PTPRM: variants seen among roughly 807,000 people sequenced by gnomAD.
The protein encoded by PTPRM is protein tyrosine phosphatase receptor type M.
A neutral mutation model predicts 186.7 loss-of-function variants in PTPRM; 47 were observed. That is an observed-to-expected ratio of 0.25 (90% CI 0.20 to 0.32). PTPRM has a LOEUF of 0.32. PTPRM is among the 10% of genes least tolerant of loss of function. The pLI, the probability that PTPRM is intolerant of heterozygous loss-of-function variation, is 1.00. For synonymous variants in PTPRM, 668 were observed against 674.9 expected, an observed-to-expected ratio of 0.99 and a Z score of 0.16; for missense variants, 1,494 against 1,865.0, an observed-to-expected ratio of 0.80 and a Z score of 3.66.
chr18:7,641,252 A>G (rs1349340973), intron 1 of PTPRM, among the ~76,000 whole-genome samples: 2 of 152,178 alleles, frequency 1.3e-5, no homozygotes, highest in African/African-American at 4.8e-5. Flanking sequence ...TTAATATTAA[A>G]TATGTTCAGT....
chr18:7,661,075 A>G (rs536149340), intron 1 of PTPRM, among the ~76,000 whole-genome samples: 18 of 152,238 alleles, frequency 1.2e-4, no homozygotes, highest in Non-Finnish European at 1.8e-4. Context: ...TACAGCAGAA[A>G]TATGTTTTGA....
chr18:8,295,941 A>G (rs1350873035), intron 19 of PTPRM, among the ~76,000 whole-genome samples: 1 of 152,230 alleles, frequency 6.6e-6, no homozygotes, highest in East Asian at 1.9e-4. Flanking sequence ...TGTTTTAACC[A>G]AAGATAACCT....
At chr18:8,212,432 T>TC (rs11395297) in intron 14 of PTPRM, among the ~76,000 whole-genome samples, 131,621 of 152,084 alleles carry the variant, frequency 0.87, 57,045 homozygotes, top group East Asian at 0.96. Flanking sequence ...CCTTTGTCAC[T>TC]CCCAGTGTGT....
intron 1 of PTPRM, among the ~76,000 whole-genome samples, chr18:7,675,746 T>C (rs2039319846): frequency 6.6e-6 from 1 of 151,740 alleles, no homozygotes. Flanking sequence ...GCATTTTTTT[T>C]TTTTTTGAGA....
intron 5 of PTPRM, among the ~76,000 whole-genome samples, chr18:7,931,966 G>A (rs1241003942): frequency 6.6e-6 from 1 of 152,164 alleles, no homozygotes; most frequent in Non-Finnish European, 1.5e-5. Flanking sequence ...GTGGCATGGG[G>A]GCCACTGCCT....
At chr18:7,944,709 C>T (rs759578497) in intron 5 of PTPRM, among the ~76,000 whole-genome samples, 2 of 152,150 alleles carry the variant, frequency 1.3e-5, no homozygotes, top group Admixed American at 6.5e-5. Context: ...CATAGCTACC[C>T]TATATTTCCC....
chr18:8,137,684 A>AC (rs199837272), intron 13 of PTPRM, among the ~76,000 whole-genome samples: 2,012 of 151,242 alleles, frequency 0.013, 45 homozygotes, highest in African/African-American at 0.047. Flanking sequence ...CTTCCCAATC[A>AC]CCCCCAGCCC....
At chr18:8,352,653 G>GTTTTTTTTTTTTTTTTTT (rs1355276752) in intron 23 of PTPRM, among the ~76,000 whole-genome samples, 1 of 121,340 alleles carries the variant, frequency 8.2e-6, no homozygotes. Flanking sequence ...TTTTGGTTTG[G>GTTTTTTTTTTTTTTTTTT]TTTTTTTTGT....
At chr18:8,211,576 T>C (rs2094006993) in intron 14 of PTPRM, among the ~76,000 whole-genome samples, 1 of 151,670 alleles carries the variant, frequency 6.6e-6, no homozygotes, top group Admixed American at 6.6e-5. Flanking sequence ...GCTATTTTTT[T>C]CTATCTTTAG....
chr18:8,240,280 T>G (rs2094400163), intron 14 of PTPRM, among the ~76,000 whole-genome samples: 1 of 152,062 alleles, frequency 6.6e-6, no homozygotes. Context: ...TGCTTCACTT[T>G]ATGGCTCTTT....
intron 14 of PTPRM, among the ~76,000 whole-genome samples, chr18:8,146,185 C>G (rs904328308): frequency 1.3e-5 from 2 of 151,948 alleles, no homozygotes; most frequent in Admixed American, 6.6e-5. Context: ...CATGCCACCA[C>G]GCTAATTTTT....
chr18:7,754,469 C>T (rs1419172900), intron 1 of PTPRM, among the ~76,000 whole-genome samples: 1 of 152,196 alleles, frequency 6.6e-6, no homozygotes, highest in Admixed American at 6.5e-5. Context: ...GGATTATTCA[C>T]CATAGGCCAG....
intron 31 of PTPRM, among the ~76,000 whole-genome samples, 160 bp from the exon 32 acceptor site, chr18:8,394,316 T>G (rs1198366807): frequency 6.6e-6 from 1 of 152,158 alleles, no homozygotes; most frequent in Non-Finnish European, 1.5e-5. Context: ...TTGCTCTGTT[T>G]GCTTTAATTA....
intron 14 of PTPRM, among the ~76,000 whole-genome samples, chr18:8,222,912 A>AC (rs59066247): frequency 0.32 from 47,703 of 151,246 alleles, 8,638 homozygotes; most frequent in East Asian, 0.71. Flanking sequence ...ATATAGTGAG[A>AC]CCCCCCATCT....
intron 1 of PTPRM, among the ~76,000 whole-genome samples, chr18:7,744,137 A>C (rs988983885): frequency 4.6e-5 from 7 of 152,208 alleles, no homozygotes; most frequent in African/African-American, 1.7e-4. Flanking sequence ...GGTTTGAAAA[A>C]ATTAGACCAC....
At chr18:7,643,598 G>T (rs368072624) in intron 1 of PTPRM, among the ~76,000 whole-genome samples, 15 of 152,122 alleles carry the variant, frequency 9.9e-5, no homozygotes, top group African/African-American at 3.6e-4. Context: ...CTTTGGCCTC[G>T]CAAAGTGCTG....
At chr18:8,045,331 A>C (rs1324071507) in intron 7 of PTPRM, among the ~76,000 whole-genome samples, 1 of 152,204 alleles carries the variant, frequency 6.6e-6, no homozygotes, top group Non-Finnish European at 1.5e-5. Context: ...CTGAGTGACA[A>C]TGTGAGACTG....
chr18:7,985,094 T>G lies in PTPRM; in HGVS notation c.1132+29680T>G, dbSNP rs183993485. ...ATATACATATATAAATATATACATA[T>G]AATTATATATACATATAATTGTATA... is the stretch of plus-strand genomic sequence containing the variant. On this transcript the variant is annotated intron_variant, in intron 7 of 32. Coordinates refer to ENST00000580170, the MANE Select transcript of PTPRM (RefSeq NM_001105244.2). Among the ~76,000 whole-genome samples, 17 of 128,946 alleles carry G rather than the reference T, an allele frequency of 1.3e-4. No homozygotes were observed. The East Asian group carries it at 3.8e-3, about 29-fold the overall frequency. The allele number at this position is 128,946 out of a possible 152,430, so 84.6% of individuals were successfully genotyped here.
chr18:8,327,995 G>A (rs1440497317), intron 22 of PTPRM, among the ~76,000 whole-genome samples: 1 of 152,182 alleles, frequency 6.6e-6, no homozygotes, highest in Non-Finnish European at 1.5e-5. Flanking sequence ...GGGAGTGAAG[G>A]TTTATAGTGG....
Sources: gnomAD v4.1 joint callset for allele counts (sites outside exome capture counted in the v4.1 genomes callset) on GRCh38, gnomAD v4.1.1 for gene constraint, MANE v1.5 for transcripts, NCBI Gene and HGNC (gene_info 2026-07-23, HGNC 2026-07-21) for gene names.